The following OPCML variants were observed in gnomAD, a reference collection of about 807,000 sequenced individuals.
OPCML encodes the protein opioid binding protein/cell adhesion molecule like, also known as opioid-binding protein/cell adhesion molecule.
OPCML carries 13 observed loss-of-function variants against 37.8 expected under a neutral mutation model. The ratio of observed to expected loss-of-function variants is 0.34; its 90% CI spans 0.22 to 0.55. The LOEUF is 0.55. OPCML is among the 20% of genes least tolerant of loss of function. OPCML has a pLI of 0.91. For missense variants in OPCML, 341 were observed against 435.6 expected, an observed-to-expected ratio of 0.78 and a Z score of 1.93; for synonymous variants, 176 against 168.8, an observed-to-expected ratio of 1.04 and a Z score of -0.33.
chr11:132,851,177 A>T (rs1429884011), intron 2 of OPCML, among the ~76,000 whole-genome samples: 1 of 152,234 alleles, frequency 6.6e-6, no homozygotes, highest in East Asian at 1.9e-4. Flanking sequence ...TATTATACAC[A>T]GTGCCAATAT....
At chr11:133,396,521 G>A (rs1345614741) in intron 1 of OPCML, among the ~76,000 whole-genome samples, 1 of 152,072 alleles carries the variant, frequency 6.6e-6, no homozygotes, top group African/African-American at 2.4e-5. Flanking sequence ...AATCTCTTAG[G>A]ATTATTTACC....
At chr11:133,099,094 G>C (rs1489105742) in intron 1 of OPCML, among the ~76,000 whole-genome samples, 1 of 151,988 alleles carries the variant, frequency 6.6e-6, no homozygotes, top group African/African-American at 2.4e-5. Flanking sequence ...CAAAATAAAA[G>C]AGATAAATAT....
chr11:133,208,466 C>G lies in OPCML; in HGVS notation c.62-265456G>C, dbSNP rs138620689. Among the ~76,000 whole-genome samples, 146 of 152,254 alleles carry G rather than the reference C, an allele frequency of 9.6e-4. 1 individual carries two copies. The highest frequency in any genetic ancestry group is 3.3e-3 in the African/African-American group (136 of 41,538). On this transcript the variant is annotated intron_variant, in intron 1 of 7. Transcript: ENST00000524381. The surrounding 1 kb of genome is among the most constrained non-coding windows in gnomAD (Gnocchi z 8.9). ...AGTAAATCATTAAATTTCTCTTGAT[C>G]TCTCAATTTTTGCATGAATAGATTT...
rs1184040255 is a variant in OPCML at position 133,126,092 on chromosome 11, CACAT to C, written c.62-183086_62-183083del. On this transcript the variant is annotated intron_variant, in intron 1 of 7. Transcript: ENST00000524381. ...CCATACACACACACACACACACACA[CACAT>C]ATATGAGAGAGAGAGAGATTATAGA... Among the ~76,000 whole-genome samples, 210 of 135,834 alleles carry C rather than the reference CACAT, an allele frequency of 1.5e-3. 1 individual carries two copies. Among genetic ancestry groups the C allele is most frequent in the Non-Finnish European group, 2.1e-3 (133 of 61,972 alleles). 89.1% of individuals were successfully genotyped at this position (135,834 alleles called of 152,430 possible). A position where few individuals can be genotyped will look rare whatever the true frequency, so the allele number is the denominator to read the frequency against.
At chr11:133,396,443 T>A (rs1376911464) in intron 1 of OPCML, among the ~76,000 whole-genome samples, 1 of 152,136 alleles carries the variant, frequency 6.6e-6, no homozygotes, top group Non-Finnish European at 1.5e-5. Context: ...TCCACATTCC[T>A]ATGAGCAAAT....
chr11:132,823,622 C>T (rs1940121890), intron 2 of OPCML, among the ~76,000 whole-genome samples: 1 of 152,142 alleles, frequency 6.6e-6, no homozygotes, highest in Non-Finnish European at 1.5e-5. Context: ...CAAAAGCACT[C>T]CCTTTAACTC....
chr11:133,105,199 T>A (rs1272588055), intron 1 of OPCML, among the ~76,000 whole-genome samples: 1 of 152,134 alleles, frequency 6.6e-6, no homozygotes, highest in African/African-American at 2.4e-5. Flanking sequence ...AATACAGGGG[T>A]AAATGCATAT....
chr11:133,480,907 A>G (rs930786311), intron 1 of OPCML, among the ~76,000 whole-genome samples: 1 of 152,240 alleles, frequency 6.6e-6, no homozygotes, highest in South Asian at 2.1e-4. Context: ...TGCTTTGTGT[A>G]TGAAGTCTCA....
At chr11:132,831,734 C>A (rs561210326) in intron 2 of OPCML, among the ~76,000 whole-genome samples, 1 of 150,158 alleles carries the variant, frequency 6.7e-6, no homozygotes, top group African/African-American at 2.4e-5. Context: ...TTTCTTCCCT[C>A]TCTTCAAGTT....
At chr11:132,873,550 T>C (rs896937603) in intron 2 of OPCML, among the ~76,000 whole-genome samples, 1 of 151,876 alleles carries the variant, frequency 6.6e-6, no homozygotes, top group African/African-American at 2.4e-5. Flanking sequence ...AGAGGTATGG[T>C]ATTGGGAATG....
intron 4 of OPCML, among the ~76,000 whole-genome samples, chr11:132,443,010 C>T (rs1053095032): frequency 1.3e-5 from 2 of 152,206 alleles, no homozygotes; most frequent in African/African-American, 4.8e-5. Flanking sequence ...AGGCAATCCC[C>T]ATCTGGTTTC....
At chr11:133,158,228 T>A (rs1233106370) in intron 1 of OPCML, among the ~76,000 whole-genome samples, 1 of 152,178 alleles carries the variant, frequency 6.6e-6, no homozygotes, top group African/African-American at 2.4e-5. Flanking sequence ...CCCGTACCGA[T>A]TCCTGAAATG....
intron 4 of OPCML, among the ~76,000 whole-genome samples, chr11:132,485,250 C>T (rs556642202): frequency 6.6e-6 from 1 of 152,106 alleles, no homozygotes; most frequent in Non-Finnish European, 1.5e-5. Flanking sequence ...GTATTGCATG[C>T]ATTTACCTCA....
At position 132,417,840 on chromosome 11, in the gene OPCML, CT is replaced by C. The variant is rs1373794548; in HGVS notation, c.*2352del. The C allele has an allele frequency of 7.9e-5, 12 of 152,200 alleles. No individual in the cohort carries two copies. Among genetic ancestry groups the C allele is most frequent in the Non-Finnish European group, 1.2e-4 (8 of 68,038 alleles). 9.4% of individuals were successfully genotyped at this position (152,200 alleles called of 1,614,324 possible). On this transcript the variant is annotated 3_prime_UTR_variant, in exon 8 of 8. Transcript: ENST00000524381. ...GCGACCTTTAATTCTGATTTTGCGC[CT>C]GCTCATGATCATCCCTGGAACTGGG...
At chr11:132,658,134 G>A (rs1421565178) in intron 2 of OPCML, among the ~76,000 whole-genome samples, 9 of 152,204 alleles carry the variant, frequency 5.9e-5, no homozygotes, top group Non-Finnish European at 1.2e-4. Context: ...AGTGTTGGAC[G>A]TCTGCGCATG....
intron 1 of OPCML, among the ~76,000 whole-genome samples, chr11:133,391,395 T>C (rs542617709): frequency 6.6e-6 from 1 of 152,254 alleles, no homozygotes; most frequent in South Asian, 2.1e-4. Flanking sequence ...ACCGATGATA[T>C]ATAAACACAG....
intron 4 of OPCML, among the ~76,000 whole-genome samples, chr11:132,484,500 G>A (rs10894565): frequency 0.5 from 76,673 of 152,000 alleles, 20,201 homozygotes; most frequent in East Asian, 0.81. Flanking sequence ...CACTGTGGAA[G>A]TCAGTGTGGC....
intron 1 of OPCML, among the ~76,000 whole-genome samples, chr11:133,015,403 G>GGAAGGAAT (rs1565398760): frequency 2.6e-5 from 2 of 76,942 alleles, no homozygotes; most frequent in African/African-American, 1.3e-4. Flanking sequence ...AATGAAGGAA[G>GGAAGGAAT]GAAGGAAGGA....
chr11:132,813,891 G>T (rs1278350998), intron 2 of OPCML, among the ~76,000 whole-genome samples: 1 of 152,148 alleles, frequency 6.6e-6, no homozygotes, highest in South Asian at 2.1e-4. Context: ...TTGGAAGCCA[G>T]CATTCCTCAC....
Sources: allele counts gnomAD v4.1 joint callset (sites outside exome capture counted in the v4.1 genomes callset), GRCh38; gene constraint gnomAD v4.1.1; non-coding constraint Gnocchi (gnomAD v3.1); transcripts MANE v1.5; gene names NCBI Gene and HGNC (gene_info 2026-07-23, HGNC 2026-07-21).